MARK3: variants seen among roughly 807,000 people sequenced by gnomAD.
The protein encoded by MARK3 is microtubule affinity regulating kinase 3.
In MARK3, 46 loss-of-function variants were observed where a neutral mutation model predicts 90.1. The observed-to-expected ratio is 0.51, with a 90% CI of 0.40 to 0.65. The LOEUF (loss-of-function observed/expected upper bound fraction) is 0.65. Ranked by LOEUF, MARK3 falls within the 30% of genes least tolerant of loss-of-function variation. MARK3 has a pLI of 0.00. For missense variants in MARK3, 818 were observed against 947.2 expected (o/e 0.86, Z 1.79); for synonymous variants, 321 against 332.6 (o/e 0.97, Z 0.38).
At chr14:103,499,628 C>T (rs1188100866) in intron 16 of MARK3, 2 of 152,520 alleles carry the variant, frequency 1.3e-5, no homozygotes, top group Non-Finnish European at 2.9e-5. Flanking sequence ...CACTTTCTTC[C>T]TGTTGGCAGT....
chr14:103,499,269 G>C (rs1202957729), intron 16 of MARK3: 1 of 151,988 alleles, frequency 6.6e-6, no homozygotes, highest in Non-Finnish European at 1.5e-5. Context: ...GACCATCCTG[G>C]ACAACATGGC....
In MARK3 at chr14:103,493,824, G is replaced by A. The variant is rs920736191; in HGVS notation, c.1844+1790G>A. Among the ~76,000 whole-genome samples the A allele has an allele frequency of 4.3e-5, 6 of 141,008 alleles. 1 individual carries two copies. The highest frequency in any genetic ancestry group is 1.3e-4 in the African/African-American group (5 of 37,396). 92.5% of individuals were successfully genotyped at this position (141,008 alleles called of 152,430 possible). The stretch of plus-strand genomic sequence containing the variant: ...CGGAAGGCAGAGGTTGCAGTGAGCC[G>A]AGATCGTACCACTGCACTCTAGTCT... On this transcript the variant is annotated intron_variant, in intron 15 of 17. Coordinates refer to ENST00000429436, the MANE Select transcript of MARK3 (RefSeq NM_001128918.3).
At chr14:103,425,309 G>A (rs2092366411) in intron 2 of MARK3, among the ~76,000 whole-genome samples, 1 of 151,660 alleles carries the variant, frequency 6.6e-6, no homozygotes, top group Admixed American at 6.6e-5. Context: ...GCCCAGGCTG[G>A]AGTTCAGTGG....
rs902903870 is a variant in MARK3, at chr14:103,456,887, C to A, written c.413-255C>A. On this transcript the variant is annotated intron_variant, in intron 5 of 17. Transcript: ENST00000429436. ...AGTTTTTATTAAAGCCTATTGAAAA[C>A]GCTCTTTAAAATAAGAGTTATATAA... 7.2e-5 allele frequency among the ~76,000 whole-genome samples: 11 copies of A among 152,242 alleles called. No individual in the cohort carries two copies. The East Asian group carries it at 2.1e-3, about 29-fold the overall frequency.
At chr14:103,478,367 C>A (rs1428338392) in intron 13 of MARK3, among the ~76,000 whole-genome samples, 3 of 150,486 alleles carry the variant, frequency 2.0e-5, no homozygotes, top group African/African-American at 7.3e-5. Context: ...CCTCTGCCCC[C>A]CTCCCTTCCC....
At chr14:103,393,826 C>G (rs2090419671) in intron 1 of MARK3, among the ~76,000 whole-genome samples, 1 of 151,248 alleles carries the variant, frequency 6.6e-6, no homozygotes, top group Non-Finnish European at 1.5e-5. Context: ...ATCTCGTGAC[C>G]TTGGCTCACT....
At chr14:103,478,387 C>G (rs1355189636) in intron 13 of MARK3, among the ~76,000 whole-genome samples, 4 of 151,292 alleles carry the variant, frequency 2.6e-5, no homozygotes, top group Non-Finnish European at 5.9e-5. Context: ...CCCTCATTCC[C>G]TGGCAACCAC....
intron 17 of MARK3, 114 bp downstream of exon 17, chr14:103,500,314 T>C: frequency 1.3e-6 from 1 of 791,942 alleles, no homozygotes; most frequent in South Asian, 1.9e-5. Flanking sequence ...TCTGTAGGAG[T>C]TACGTAGAGA....
At chr14:103,402,867 A>G (rs1297916465) in intron 1 of MARK3, among the ~76,000 whole-genome samples, 1 of 152,188 alleles carries the variant, frequency 6.6e-6, no homozygotes, top group African/African-American at 2.4e-5. Context: ...GGAGGTGGCA[A>G]GCCCTGATTG....
intron 3 of MARK3, among the ~76,000 whole-genome samples, chr14:103,443,641 G>A (rs1339983746): frequency 6.6e-6 from 1 of 152,188 alleles, no homozygotes; most frequent in African/African-American, 2.4e-5. Context: ...AGCGTTTGAG[G>A]AAGGGGTCGT....
At chr14:103,420,493 A>C (rs2092164327) in intron 2 of MARK3, among the ~76,000 whole-genome samples, 1 of 152,174 alleles carries the variant, frequency 6.6e-6, no homozygotes, top group Non-Finnish European at 1.5e-5. Context: ...GGCCTCCCAA[A>C]GTGCTGGGAT....
In MARK3 at chr14:103,490,943, C is replaced by G. The variant is rs747418723; in HGVS notation, c.1587-834C>G. The G allele has an allele frequency of 5.1e-5, 65 of 1,265,312 alleles. 1 individual carries two copies. Among genetic ancestry groups the G allele is most frequent in the South Asian group, 2.8e-4 (22 of 79,350 alleles). 78.4% of individuals were successfully genotyped at this position (1,265,312 alleles called of 1,614,324 possible). ...TTTCTGCCTCTGCCTGAACCCAAAC[C>G]CCTCCCAGCCTGACAGAAATGTTCG... On this transcript the variant is annotated intron_variant, in intron 14 of 17. Transcript: ENST00000429436.
intron 2 of MARK3, among the ~76,000 whole-genome samples, chr14:103,419,273 A>G (rs1411265409): frequency 1.3e-5 from 2 of 152,220 alleles, no homozygotes; most frequent in African/African-American, 4.8e-5. Context: ...CCTGGGTGAC[A>G]GAGCGAGACC....
intron 14 of MARK3, among the ~76,000 whole-genome samples, chr14:103,482,109 A>G (rs1378921475): frequency 6.6e-6 from 1 of 152,062 alleles, no homozygotes; most frequent in Non-Finnish European, 1.5e-5. Context: ...GATTTGTATT[A>G]TAGTTCAGTT....
At chr14:103,479,327 C>T (rs2093775492) in intron 13 of MARK3, among the ~76,000 whole-genome samples, 1 of 152,164 alleles carries the variant, frequency 6.6e-6, no homozygotes, top group African/African-American at 2.4e-5. Flanking sequence ...GCCTCTGCAC[C>T]TGGCTGTGTT....
intron 2 of MARK3, among the ~76,000 whole-genome samples, chr14:103,419,628 T>G (rs568664220): frequency 1.3e-5 from 2 of 152,218 alleles, no homozygotes; most frequent in East Asian, 3.9e-4. Context: ...TATAAAGAAA[T>G]GTAGCTACAA....
chr14:103,488,904 A>G (rs528240713), intron 14 of MARK3, among the ~76,000 whole-genome samples: 1 of 152,228 alleles, frequency 6.6e-6, no homozygotes, highest in East Asian at 1.9e-4. Flanking sequence ...TTAAAGACGT[A>G]TCTGCTTTAT....
chr14:103,385,818 C>T lies in MARK3; in HGVS notation c.-212C>T, dbSNP rs2089741344. ...CGCCCTCCCGGTCTCCTCGCCTCGGCCGCCGAGGCAGGGAGAGAATGAGCC... is the reference window on the plus strand; with the variant it reads ...CGCCCTCCCGGTCTCCTCGCCTCGGTCGCCGAGGCAGGGAGAGAATGAGCC... On this transcript the variant is annotated 5_prime_UTR_variant, in exon 1 of 18. Coordinates refer to ENST00000429436, the MANE Select transcript of MARK3 (RefSeq NM_001128918.3). 6 of 442,348 alleles carry T rather than the reference C, an allele frequency of 1.4e-5. No individual in the cohort carries two copies. In the South Asian group the frequency reaches 2.5e-4, roughly 18 times the overall value. 27.4% of individuals were successfully genotyped at this position (442,348 alleles called of 1,614,324 possible).
intron 11 of MARK3, 109 bp from the exon 12 acceptor site, chr14:103,467,924 C>A (rs185457688): frequency 0.018 from 19,344 of 1,090,448 alleles, 236 homozygotes; most frequent in Non-Finnish European, 0.022. Flanking sequence ...TTCCTCCTCT[C>A]TCTGAATGAA....
Sources: allele counts gnomAD v4.1 joint callset (sites outside exome capture counted in the v4.1 genomes callset), GRCh38; gene constraint gnomAD v4.1.1; transcripts MANE v1.5; gene names NCBI Gene and HGNC (gene_info 2026-07-23, HGNC 2026-07-21).